Variants in PCTP observed in about 807,000 individuals in gnomAD.
PCTP encodes phosphatidylcholine transfer protein, also known as START domain-containing protein 2.
A neutral mutation model predicts 31.0 loss-of-function variants in PCTP; 27 were observed. The observed-to-expected ratio is 0.87, with a 90% confidence interval of 0.64 to 1.20. The LOEUF is 1.20. Ranked by LOEUF, PCTP falls within the 50% of genes most tolerant of loss-of-function variation. The pLI, the probability that PCTP is intolerant of heterozygous loss-of-function variation, is 0.00. For missense variants in PCTP, 287 were observed against 268.2 expected (o/e 1.07, Z -0.49); for synonymous variants, 108 against 101.2 (o/e 1.07, Z -0.40).
At chr17:55,757,049 G>A (rs1331946135) in intron 1 of PCTP, among the ~76,000 whole-genome samples, 3 of 151,914 alleles carry the variant, frequency 2.0e-5, no homozygotes, top group Non-Finnish European at 4.4e-5. Context: ...AGGATTGAAC[G>A]AAATGATAAC....
chr17:55,751,182 G>A lies in PCTP; in HGVS notation c.79G>A (p.Gly27Arg). The A allele has an allele frequency of 6.5e-7, 1 of 1,548,640 alleles. No homozygotes were observed. Among genetic ancestry groups the A allele is most frequent in the Non-Finnish European group, 8.7e-7 (1 of 1,146,188 alleles). ...CGAGCTCCAGCAGCCCGCTCTGGCC[G>A]GGGCCGACTGGCAGCTCCTAGTGGA... ...CAELQQPALA[G>R]ADWQLLVETS... Residue 27 changes from glycine (G) to arginine (R), a missense_variant, in exon 1 of 6, where the codon GGG (glycine) becomes AGG (arginine). Coordinates refer to ENST00000268896, the MANE Select transcript of PCTP (RefSeq NM_021213.4).
intron 3 of PCTP, among the ~76,000 whole-genome samples, chr17:55,796,728 T>C (rs1411813615): frequency 1.3e-5 from 2 of 151,968 alleles, no homozygotes; most frequent in Non-Finnish European, 2.9e-5. Context: ...TAAAATAGAA[T>C]AGAGGATGAC....
chr17:55,756,646 A>G (rs1289827354), intron 1 of PCTP, among the ~76,000 whole-genome samples: 1 of 152,074 alleles, frequency 6.6e-6, no homozygotes, highest in Non-Finnish European at 1.5e-5. Flanking sequence ...TGTCCTCTCT[A>G]CTTTCGTGTA....
chr17:55,775,924 A>G (rs1001261132), intron 5 of PCTP, 111 bp from the exon 6 acceptor site: 5 of 1,496,324 alleles, frequency 3.3e-6, no homozygotes, highest in African/African-American at 1.4e-5. Flanking sequence ...TAGGGAGCCT[A>G]TTCATTTTTG....
intron 4 of PCTP, 122 bp downstream of exon 4, chr17:55,774,017 T>C: frequency 8.4e-7 from 1 of 1,191,840 alleles, no homozygotes; most frequent in Non-Finnish European, 1.1e-6. Context: ...CAGGCAAAGC[T>C]GCAGAGCAAA....
intron 3 of PCTP, among the ~76,000 whole-genome samples, chr17:55,820,575 C>T (rs1164042978): frequency 6.6e-6 from 1 of 152,188 alleles, no homozygotes; most frequent in Non-Finnish European, 1.5e-5. Context: ...AAAGGCCCTA[C>T]ATCTTAATAC....
chr17:55,823,660 A>G (rs1233235758), downstream of PCTP, among the ~76,000 whole-genome samples: 2 of 152,240 alleles, frequency 1.3e-5, no homozygotes, highest in Non-Finnish European at 2.9e-5. Context: ...TCAATCTTGT[A>G]TATCAATTCC....
intron 3 of PCTP, among the ~76,000 whole-genome samples, chr17:55,790,759 C>T (rs1228445813): frequency 6.7e-6 from 1 of 149,126 alleles, no homozygotes; most frequent in African/African-American, 2.5e-5. Context: ...AATGCCATCC[C>T]CATCAAGCTA....
At chr17:55,753,757 T>C (rs140292062) in intron 1 of PCTP, among the ~76,000 whole-genome samples, 165 of 152,324 alleles carry the variant, frequency 1.1e-3, no homozygotes, top group Non-Finnish European at 2.1e-3. Flanking sequence ...CTTCCCTGTA[T>C]ACAGACGAGG....
intron 3 of PCTP, among the ~76,000 whole-genome samples, chr17:55,772,035 A>C (rs1911036083): frequency 6.6e-6 from 1 of 152,220 alleles, no homozygotes; most frequent in African/African-American, 2.4e-5. Flanking sequence ...TGTTCTGCCA[A>C]ATTTTAATCA....
intron 2 of PCTP, among the ~76,000 whole-genome samples, chr17:55,784,828 C>T (rs1051383814): frequency 2.0e-5 from 3 of 152,246 alleles, no homozygotes; most frequent in African/African-American, 7.2e-5. Flanking sequence ...ATATTACTTA[C>T]GATCTGGCCC....
chr17:55,763,806 G>A (rs992327309), intron 1 of PCTP, among the ~76,000 whole-genome samples: 1 of 152,176 alleles, frequency 6.6e-6, no homozygotes, highest in Admixed American at 6.5e-5. Flanking sequence ...AAAAATGAGT[G>A]TGGTTGCTGA....
intron 2 of PCTP, 167 bp from the exon 3 acceptor site, chr17:55,770,939 C>A: frequency 1.9e-6 from 1 of 521,534 alleles, no homozygotes. Context: ...CACCATATTT[C>A]CCAGGCTGGT....
chr17:55,769,975 GCA>G (rs1326876252), intron 2 of PCTP: 5 of 152,184 alleles, frequency 3.3e-5, no homozygotes, highest in African/African-American at 1.2e-4. Context: ...TAATGGGCTG[GCA>G]CACTCCTTAA....
intron 1 of PCTP, among the ~76,000 whole-genome samples, chr17:55,758,480 A>G (rs1487419647): frequency 6.6e-6 from 1 of 152,164 alleles, no homozygotes; most frequent in African/African-American, 2.4e-5. Flanking sequence ...CCCTACTCCT[A>G]TTTCCCCAGA....
At chr17:55,823,921 G>A (rs1905311596), downstream of PCTP, among the ~76,000 whole-genome samples, 1 of 152,116 alleles carries the variant, frequency 6.6e-6, no homozygotes, top group Non-Finnish European at 1.5e-5. Context: ...ACTCCCTATT[G>A]CAGACTGGTT....
chr17:55,757,704 C>T (rs1445912108), intron 1 of PCTP, among the ~76,000 whole-genome samples: 1 of 152,088 alleles, frequency 6.6e-6, no homozygotes, highest in Non-Finnish European at 1.5e-5. Flanking sequence ...TTCTAACCAG[C>T]TGCTGAATGA....
chr17:55,834,412 C>G (rs546056629), intron 5 of PCTP, among the ~76,000 whole-genome samples: 4 of 152,124 alleles, frequency 2.6e-5, no homozygotes, highest in African/African-American at 9.7e-5. Context: ...TCAAAACTGG[C>G]TTTCTCTGCC....
chr17:55,851,563 C>T, the PCTP span, among the ~76,000 whole-genome samples: 1 of 152,138 alleles, frequency 6.6e-6, no homozygotes, highest in African/African-American at 2.4e-5. Context: ...ACTTTAATTA[C>T]TTGGCTCACA....
Sources: allele counts gnomAD v4.1 joint callset (sites outside exome capture counted in the v4.1 genomes callset), GRCh38; gene constraint gnomAD v4.1.1; transcripts MANE v1.5; gene names NCBI Gene and HGNC (gene_info 2026-07-23, HGNC 2026-07-21).